Variants in CSAG1 observed in about 807,000 individuals in gnomAD.
The protein encoded by CSAG1 is chondrosarcoma associated gene 1.
In CSAG1, 4 loss-of-function variants were observed where a neutral mutation model predicts 4.8. The observed-to-expected ratio is 0.83, with a 90% CI of 0.41 to 1.90. CSAG1 has a LOEUF of 1.90. Among genes scored for constraint, CSAG1 ranks in the 40% most tolerant of loss-of-function variants. CSAG1 has a pLI of 0.03. For missense variants in CSAG1, 69 were observed against 59.5 expected (o/e 1.16, Z -0.53); for synonymous variants, 21 against 23.1 (o/e 0.91, Z 0.26).
rs139961168 is a variant in CSAG1 at position 152,730,153 on chromosome X, T to C, written c.17-1929A>G. ...TGCTAAACGAGTCTAAAGAAACGAG[T>C]CTAGAAAGAAACGAGTCTAAAAAGG... On this transcript the variant is annotated intron_variant, in intron 2 of 3. Transcript: ENST00000452779. Among the ~76,000 whole-genome samples, 479 of 107,379 alleles carry C rather than the reference T, an allele frequency of 4.5e-3. 3 individuals carry two copies. Among genetic ancestry groups the C allele is most frequent in the African/African-American group, 0.016 (462 of 29,227 alleles). The allele number at this position is 107,379 out of a possible 115,157, so 93.2% of individuals were successfully genotyped here. A position where few individuals can be genotyped will look rare whatever the true frequency, so the allele number is the denominator to read the frequency against.
chrX:152,730,188 A>G (rs1421514822), intron 2 of CSAG1, among the ~76,000 whole-genome samples: 4 of 109,958 alleles, frequency 3.6e-5, no homozygotes, highest in African/African-American at 6.6e-5. Flanking sequence ...GCTACATAGT[A>G]TACGAGTCTA....
At chrX:152,733,354 A>T (rs782449825) in intron 1 of CSAG1, 1 of 112,213 alleles carries the variant, frequency 8.9e-6, no homozygotes, top group East Asian at 2.8e-4. Context: ...ACCCTCCCCC[A>T]CGTAGTGGGA....
intron 1 of CSAG1, among the ~76,000 whole-genome samples, 200 bp downstream of exon 1, chrX:152,733,468 G>A (rs1174449862): frequency 1.8e-5 from 2 of 111,308 alleles, no homozygotes; most frequent in African/African-American, 6.6e-5. Flanking sequence ...GGGACTCAGA[G>A]TCAGAGACTT....
At chrX:152,729,928 A>C (rs1428562446) in intron 2 of CSAG1, among the ~76,000 whole-genome samples, 2 of 105,905 alleles carry the variant, frequency 1.9e-5, no homozygotes, top group Admixed American at 9.9e-5. Flanking sequence ...GAATGTATAC[A>C]ATAGCTTATT....
At chrX:152,733,626 C>A (rs1932215256) in intron 1 of CSAG1, 42 bp downstream of exon 1, 1 of 102,250 alleles carries the variant, frequency 9.8e-6, no homozygotes, top group African/African-American at 3.6e-5. Flanking sequence ...GGATCCCCGT[C>A]CCTATCCCTA....
At chrX:152,731,594 A>T (rs1556228257) in intron 2 of CSAG1, among the ~76,000 whole-genome samples, 1 of 111,502 alleles carries the variant, frequency 9.0e-6, no homozygotes, top group Non-Finnish European at 1.9e-5. Flanking sequence ...TGAGGACCAC[A>T]TCCCTCCCCG....
At chrX:152,732,819 T>C (rs112142853) in intron 1 of CSAG1, among the ~76,000 whole-genome samples, 2,223 of 111,421 alleles carry the variant, frequency 0.02, 45 homozygotes, top group African/African-American at 0.058. Flanking sequence ...ACCAGGAAAA[T>C]TGGGTTTGTT....
intron 2 of CSAG1, among the ~76,000 whole-genome samples, chrX:152,729,547 A>G (rs2124965265): frequency 8.9e-6 from 1 of 112,424 alleles, no homozygotes; most frequent in East Asian, 2.8e-4. Flanking sequence ...ATAGTCAAAG[A>G]TCTGAACACA....
At position 152,727,532 on chromosome X, in the gene CSAG1, T is replaced by C; in HGVS notation, c.*262A>G. 1 of 429,857 alleles carries C rather than the reference T, an allele frequency of 2.3e-6. No homozygotes were observed. Among genetic ancestry groups the C allele is most frequent in the Non-Finnish European group, 4.2e-6 (1 of 239,576 alleles). 35.4% of individuals were successfully genotyped at this position (429,857 alleles called of 1,213,427 possible). On this transcript the variant is annotated 3_prime_UTR_variant, in exon 4 of 4. Coordinates refer to ENST00000452779, the MANE Select transcript of CSAG1 (RefSeq NM_001102576.3). ...ATTTCCATCACCATGGGGCATACCC[T>C]TTGGGGTGTAAAACGTACTCTACAC...
At chrX:152,733,334 C>G (rs1254285114) in intron 1 of CSAG1, 1 of 112,416 alleles carries the variant, frequency 8.9e-6, no homozygotes, top group Non-Finnish European at 1.9e-5. Context: ...TGAGTGAGGA[C>G]TGAGGGTCCA....
rs139874720 is a variant in CSAG1, at chrX:152,728,215, G to C, written c.26C>G (p.Pro9Arg). The change falls in exon 3 of 4, where the codon CCT becomes CGT. Residue 9 changes from proline to arginine, a missense_variant. Physicochemically the swap from Pro to Arg is moderately radical, Grantham distance 103 (BLOSUM62 -2). Transcript: ENST00000452779. ...AGCTTCCCCCAGGACAGTGAAGGCAGGCCAGCAGGCTAGAAACTCACACGA... is the reference window on the plus strand; with the variant it reads ...AGCTTCCCCCAGGACAGTGAAGGCACGCCAGCAGGCTAGAAACTCACACGA... MSATTACW[P>R]AFTVLGEARG... The C allele has an allele frequency of 3.3e-6, 4 of 1,207,275 alleles. No individual in the cohort carries two copies. In the South Asian group the frequency reaches 5.3e-5, roughly 16 times the overall value.
intron 2 of CSAG1, among the ~76,000 whole-genome samples, chrX:152,730,543 G>C (rs1556228576): frequency 9.0e-6 from 1 of 111,476 alleles, no homozygotes; most frequent in Admixed American, 9.5e-5. Flanking sequence ...GAAAAGGCAG[G>C]TGTCTAGGAA....
intron 1 of CSAG1, among the ~76,000 whole-genome samples, 177 bp from the exon 2 acceptor site, chrX:152,732,681 T>C (rs1556227808): frequency 8.9e-6 from 1 of 112,572 alleles, no homozygotes; most frequent in Non-Finnish European, 1.9e-5. Flanking sequence ...GGGAGGTTTG[T>C]AGCCTGCCTA....
intron 2 of CSAG1, 24 bp downstream of exon 2, chrX:152,732,421 A>G: frequency 1.7e-6 from 2 of 1,199,257 alleles, no homozygotes; most frequent in Non-Finnish European, 2.2e-6. Flanking sequence ...CTCAGCTTAA[A>G]TTATTTACAA....
intron 2 of CSAG1, among the ~76,000 whole-genome samples, chrX:152,729,612 C>T (rs1394677444): frequency 1.8e-5 from 2 of 111,798 alleles, no homozygotes; most frequent in African/African-American, 3.3e-5. Context: ...ATGTACTAAG[C>T]GTGTTTTGTC....
chrX:152,732,491 T>C lies in CSAG1; in HGVS notation c.-31A>G. ...GCAAATTTGGGCTGCTGTGCTCTGC[T>C]TCCCAAATCAACCCTGTAAATTTAT... On this transcript the variant is annotated 5_prime_UTR_variant, in exon 2 of 4. Transcript: ENST00000452779. The C allele has an allele frequency of 8.3e-7, 1 of 1,210,372 alleles. No homozygotes were observed. The highest frequency in any genetic ancestry group is 1.1e-6 in the Non-Finnish European group (1 of 895,088).
At chrX:152,731,927 C>T (rs1932164227) in intron 2 of CSAG1, among the ~76,000 whole-genome samples, 1 of 112,172 alleles carries the variant, frequency 8.9e-6, no homozygotes, top group African/African-American at 3.2e-5. Flanking sequence ...GTCAAATGTT[C>T]GAAGAACTAT....
chrX:152,732,527 C>G, intron 1 of CSAG1, 23 bp from the exon 2 acceptor site: 1 of 1,206,791 alleles, frequency 8.3e-7, no homozygotes, highest in South Asian at 1.8e-5. Flanking sequence ...AGAATGGAAA[C>G]AGAAAGTAAA....
In CSAG1 at chrX:152,730,452, G is replaced by A. The variant is rs148549408; in HGVS notation, c.16+1993C>T. On this transcript the variant is annotated intron_variant, in intron 2 of 3. Coordinates refer to ENST00000452779, the MANE Select transcript of CSAG1 (RefSeq NM_001102576.3). The stretch of plus-strand genomic sequence containing the variant: ...AGAATGACTAGTTCATGAGAGCAGA[G>A]ACCTCATGAATGGGATCAGTGTTTT... 4.5e-3 allele frequency among the ~76,000 whole-genome samples: 497 copies of A among 111,453 alleles called. 1 individual carries two copies. The highest frequency in any genetic ancestry group is 9.3e-3 in the Middle Eastern group (2 of 216).
Sources: gnomAD v4.1 joint callset for allele counts (sites outside exome capture counted in the v4.1 genomes callset) on GRCh38, gnomAD v4.1.1 for gene constraint, MANE v1.5 for transcripts, NCBI Gene and HGNC (gene_info 2026-07-23, HGNC 2026-07-21) for gene names.